The following ZNF644 variants were observed in gnomAD, a reference collection of about 807,000 sequenced individuals.
ZNF644 encodes zinc finger motif enhancer binding protein 2.
A neutral mutation model predicts 108.0 loss-of-function variants in ZNF644; 20 were observed. That is an observed-to-expected ratio of 0.19 (90% CI 0.13 to 0.27). The LOEUF (loss-of-function observed/expected upper bound fraction) is 0.27, where lower values mean the gene tolerates loss of function less well. Ranked by LOEUF, ZNF644 falls within the 10% of genes least tolerant of loss-of-function variation. The pLI is 1.00. For synonymous variants in ZNF644, 542 were observed against 539.1 expected, an observed-to-expected ratio of 1.01 and a Z score of -0.08; for missense variants, 1,338 against 1,548.9, an observed-to-expected ratio of 0.86 and a Z score of 2.29.
rs180818716 is a variant in ZNF644, at chr1:90,959,935, A to C, written c.45-18626T>G. ...AGCAAGTTACAGGTTTTAAATTGCT[A>C]TTCTACGGAGCTTGATGACATCTTG... On this transcript the variant is annotated intron_variant, in intron 2 of 5. Coordinates refer to ENST00000337393, the MANE Select transcript of ZNF644 (RefSeq NM_201269.3). 3.7e-3 allele frequency among the ~76,000 whole-genome samples: 556 copies of C among 152,282 alleles called. 6 individuals are homozygous for C. Among genetic ancestry groups the C allele is most frequent in the African/African-American group, 0.013 (532 of 41,572 alleles).
intron 1 of ZNF644, among the ~76,000 whole-genome samples, chr1:91,013,484 T>TACACAC (rs772232056): frequency 9.5e-6 from 1 of 104,978 alleles, no homozygotes; most frequent in Non-Finnish European, 2.1e-5. Flanking sequence ...CACACACACA[T>TACACAC]ACACACACAC....
chr1:90,936,215 T>A (rs574797507), intron 4 of ZNF644, among the ~76,000 whole-genome samples: 2 of 152,216 alleles, frequency 1.3e-5, no homozygotes, highest in South Asian at 4.1e-4. Context: ...AATAAGAAAC[T>A]CCTAACTTCT....
Position 90,938,295 on chromosome 1 carries a change from G to A in ZNF644, c.3059C>T (p.Thr1020Ile). Residue 1020 changes from threonine (T) to isoleucine (I), a missense_variant, in exon 3 of 6, where the codon ACA (threonine) becomes ATA (isoleucine). Thr to Ile is a moderately conservative substitution (Grantham distance 89, BLOSUM62 -1). Coordinates refer to ENST00000337393, the MANE Select transcript of ZNF644 (RefSeq NM_201269.3). This position sits in a 1 kb window ranked among gnomAD's most constrained non-coding sequence, Gnocchi z 4.2. ...ACCTTTTCTAACTCGTTTAACAGGT[G>A]TTCCTGTGCCAGTTCTTTTGAAATG... ...MQHFKRTGTGTPVKRVRKAIE... is the reference protein window; with the variant it reads ...MQHFKRTGTGIPVKRVRKAIE... 6.2e-7 allele frequency: 1 copy of A among 1,613,982 alleles called. No individual in the cohort carries two copies. Among genetic ancestry groups the A allele is most frequent in the Non-Finnish European group, 8.5e-7 (1 of 1,179,888 alleles).
chr1:90,950,800 T>A (rs1387342787), intron 2 of ZNF644, among the ~76,000 whole-genome samples: 1 of 152,218 alleles, frequency 6.6e-6, no homozygotes, highest in Admixed American at 6.5e-5. Context: ...ACAGACAGAC[T>A]TCTCAAAGAG....
At chr1:90,983,473 T>C (rs1183767994) in intron 1 of ZNF644, among the ~76,000 whole-genome samples, 1 of 137,568 alleles carries the variant, frequency 7.3e-6, no homozygotes, top group Non-Finnish European at 1.5e-5. Context: ...CAATGTTACC[T>C]CATATGGCAA....
In ZNF644 at chr1:90,916,563, AAC is replaced by A. The variant is rs1408568171; in HGVS notation, c.*233_*234del. On this transcript the variant is annotated 3_prime_UTR_variant, in exon 6 of 6. Transcript: ENST00000337393. The stretch of plus-strand genomic sequence containing the variant: ...ACATGTACTGCTCTTTTACTGAGTG[AAC>A]ACAGTTAACCAACAAAACTTCATAA... 9.5e-6 allele frequency: 5 copies of A among 526,326 alleles called. No homozygotes were observed. The highest frequency in any genetic ancestry group is 1.0e-5 in the Non-Finnish European group (3 of 295,152). 32.6% of individuals were successfully genotyped at this position (526,326 alleles called of 1,614,324 possible). A position where few individuals can be genotyped will look rare whatever the true frequency, so the allele number is the denominator to read the frequency against.
intron 1 of ZNF644, among the ~76,000 whole-genome samples, chr1:90,998,225 T>C (rs969124642): frequency 6.6e-6 from 1 of 152,138 alleles, no homozygotes; most frequent in Non-Finnish European, 1.5e-5. Context: ...GAGTCTGAGA[T>C]CTGAGAATGG....
intron 2 of ZNF644, among the ~76,000 whole-genome samples, chr1:90,971,750 G>C (rs1163959300): frequency 6.6e-6 from 1 of 152,074 alleles, no homozygotes; most frequent in Non-Finnish European, 1.5e-5. Flanking sequence ...CATTGTACTA[G>C]AATTCCTAGC....
At chr1:90,981,882 C>G (rs980438937) in intron 2 of ZNF644, among the ~76,000 whole-genome samples, 1 of 151,976 alleles carries the variant, frequency 6.6e-6, no homozygotes, top group Non-Finnish European at 1.5e-5. Flanking sequence ...AAAGTGCTTC[C>G]TTAACATTAA....
At chr1:90,971,670 G>A (rs953414962) in intron 2 of ZNF644, among the ~76,000 whole-genome samples, 6 of 151,972 alleles carry the variant, frequency 3.9e-5, no homozygotes, top group Admixed American at 1.3e-4. Context: ...CATACACCTC[G>A]GATCCCAAAG....
At chr1:90,992,408 A>G (rs1248572762) in intron 1 of ZNF644, among the ~76,000 whole-genome samples, 1 of 152,164 alleles carries the variant, frequency 6.6e-6, no homozygotes, top group Non-Finnish European at 1.5e-5. Context: ...AAAAAAAAAA[A>G]AAGATATAAA....
rs939543549 is a variant in ZNF644, at chr1:91,021,981, G to C, written c.-18+9C>G. 1 of 398,832 alleles carries C rather than the reference G, an allele frequency of 2.5e-6. No homozygotes were observed. Among genetic ancestry groups the C allele is most frequent in the Non-Finnish European group, 4.4e-6 (1 of 226,036 alleles). 24.7% of individuals were successfully genotyped at this position (398,832 alleles called of 1,614,324 possible). On this transcript the variant is annotated intron_variant, in intron 1 of 5. Coordinates refer to ENST00000337393, the MANE Select transcript of ZNF644 (RefSeq NM_201269.3). Reference sequence around the variant, plus strand: ...CAGCGAATCTGACCAAATAACCCCTGAAACTCACAGTTTGGTGCCGTGTGC... The same window carrying C: ...CAGCGAATCTGACCAAATAACCCCTCAAACTCACAGTTTGGTGCCGTGTGC...
chr1:90,942,432 T>C (rs1378284012), intron 2 of ZNF644, among the ~76,000 whole-genome samples: 2 of 152,124 alleles, frequency 1.3e-5, no homozygotes, highest in Non-Finnish European at 2.9e-5. Context: ...AATGGCCACA[T>C]TGGAAGTATC....
At chr1:90,967,732 C>A (rs1314158039) in intron 2 of ZNF644, among the ~76,000 whole-genome samples, 3 of 151,880 alleles carry the variant, frequency 2.0e-5, no homozygotes, top group African/African-American at 7.2e-5. Context: ...CTGCCCCTAG[C>A]CACCAGTGAG....
At chr1:90,966,240 A>G (rs1654867071) in intron 2 of ZNF644, among the ~76,000 whole-genome samples, 1 of 152,062 alleles carries the variant, frequency 6.6e-6, no homozygotes, top group Non-Finnish European at 1.5e-5. Context: ...CTAGAAGAGC[A>G]CTCTTAGTAA....
intron 1 of ZNF644, 54 bp downstream of exon 1, chr1:91,021,936 C>G: frequency 2.5e-6 from 1 of 398,982 alleles, no homozygotes; most frequent in East Asian, 3.6e-5. Flanking sequence ...AGCCCAGAGG[C>G]CCGAAACCCA....
chr1:90,921,278 A>G (rs952023662), intron 4 of ZNF644, among the ~76,000 whole-genome samples: 1 of 152,130 alleles, frequency 6.6e-6, no homozygotes, highest in Non-Finnish European at 1.5e-5. Context: ...AATGCAGCTC[A>G]TCAGTATCTG....
At chr1:91,021,818 G>T in intron 1 of ZNF644, 172 bp downstream of exon 1, 1 of 395,090 alleles carries the variant, frequency 2.5e-6, no homozygotes, top group Admixed American at 4.4e-5. Flanking sequence ...GGCAAAATGC[G>T]TCCTTTTGGA....
At chr1:90,956,041 T>G (rs1179372518) in intron 2 of ZNF644, among the ~76,000 whole-genome samples, 1 of 152,168 alleles carries the variant, frequency 6.6e-6, no homozygotes, top group Non-Finnish European at 1.5e-5. Flanking sequence ...TCAATACTGT[T>G]GTGTCTCATG....
Sources: gnomAD v4.1 joint callset for allele counts (sites outside exome capture counted in the v4.1 genomes callset) on GRCh38, gnomAD v4.1.1 for gene constraint, Gnocchi (gnomAD v3.1) non-coding constraint, MANE v1.5 for transcripts, NCBI Gene and HGNC (gene_info 2026-07-23, HGNC 2026-07-21) for gene names.